ASTN1: variants seen among roughly 807,000 people sequenced by gnomAD.
ASTN1 encodes astrotactin-1.
A neutral mutation model predicts 140.7 loss-of-function variants in ASTN1; 41 were observed. The ratio of observed to expected loss-of-function variants is 0.29; its 90% CI spans 0.23 to 0.38. The LOEUF (loss-of-function observed/expected upper bound fraction) is 0.38, where lower values mean the gene tolerates loss of function less well. Ranked by LOEUF, ASTN1 falls within the 10% of genes least tolerant of loss-of-function variation. The pLI is 1.00. For synonymous variants in ASTN1, 640 were observed against 652.2 expected (o/e 0.98, Z 0.29); for missense variants, 1,479 against 1,678.8 (o/e 0.88, Z 2.08).
chr1:176,894,228 C>T (rs950940703), intron 17 of ASTN1, among the ~76,000 whole-genome samples: 7 of 152,030 alleles, frequency 4.6e-5, no homozygotes, highest in Admixed American at 4.6e-4. Context: ...AGCATCCTCC[C>T]CACAACTGTC....
intron 8 of ASTN1, among the ~76,000 whole-genome samples, chr1:176,977,591 T>C (rs938681790): frequency 2.0e-5 from 3 of 152,232 alleles, no homozygotes; most frequent in Non-Finnish European, 2.9e-5. Flanking sequence ...ATTTTGATGA[T>C]TGAACAAGTA....
intron 1 of ASTN1, among the ~76,000 whole-genome samples, chr1:177,066,023 G>A (rs948434261): frequency 2.0e-5 from 3 of 152,118 alleles, no homozygotes; most frequent in African/African-American, 4.8e-5. Flanking sequence ...GATCTGTGTC[G>A]ATGAACTTGA....
chr1:177,136,017 T>A (rs1354945832), intron 1 of ASTN1, among the ~76,000 whole-genome samples: 1 of 152,216 alleles, frequency 6.6e-6, no homozygotes, highest in Non-Finnish European at 1.5e-5. Flanking sequence ...AATGTCAAAC[T>A]AGATGACCTC....
chr1:177,162,049 G>T (rs949261805), intron 1 of ASTN1, among the ~76,000 whole-genome samples: 2 of 152,272 alleles, frequency 1.3e-5, no homozygotes, highest in East Asian at 1.9e-4. Flanking sequence ...GACTGATTCA[G>T]ATTCCTCCAG....
At position 176,863,570 on chromosome 1, in the gene ASTN1, T is replaced by C. The variant is rs749289760; in HGVS notation, c.*714A>G. On this transcript the variant is annotated 3_prime_UTR_variant, in exon 23 of 23. Transcript: ENST00000361833. ...ATCTTGTTCCCTCTCAAAGATCATGTTGTTCAGAGGAAGGGACAGAGATCT... is the reference window on the plus strand; with the variant it reads ...ATCTTGTTCCCTCTCAAAGATCATGCTGTTCAGAGGAAGGGACAGAGATCT... 1 of 985,426 alleles carries C rather than the reference T, an allele frequency of 1.0e-6. No individual in the cohort carries two copies. Among genetic ancestry groups the C allele is most frequent in the Non-Finnish European group, 1.2e-6 (1 of 829,938 alleles). 61.0% of individuals were successfully genotyped at this position (985,426 alleles called of 1,614,324 possible).
chr1:176,958,018 G>C (rs190297880), intron 10 of ASTN1, among the ~76,000 whole-genome samples, 190 bp from the exon 11 acceptor site: 16 of 152,320 alleles, frequency 1.1e-4, no homozygotes, highest in Non-Finnish European at 2.4e-4. Context: ...TAGGAAATGA[G>C]CCAAGGCTGT....
Position 176,862,315 on chromosome 1 carries a change from T to TG in ASTN1, c.*1968_*1969insC. 1.0e-6 allele frequency: 1 copy of TG among 985,432 alleles called. No homozygotes were observed. Among genetic ancestry groups the TG allele is most frequent in the Non-Finnish European group, 1.2e-6 (1 of 829,966 alleles). 61.0% of individuals were successfully genotyped at this position (985,432 alleles called of 1,614,324 possible). A position where few individuals can be genotyped will look rare whatever the true frequency, so the allele number is the denominator to read the frequency against. ...AGGAGAGTGAAACCACCCTGTGCTTTATCTCAGCCTCATCACAGGCTTCCT... is the reference window on the plus strand; with the variant it reads ...AGGAGAGTGAAACCACCCTGTGCTTTGATCTCAGCCTCATCACAGGCTTCCT... On this transcript the variant is annotated 3_prime_UTR_variant, in exon 23 of 23. Coordinates refer to ENST00000361833, the MANE Select transcript of ASTN1 (RefSeq NM_004319.3).
Position 176,861,483 on chromosome 1 carries a change from T to C in ASTN1, c.*2801A>G. On this transcript the variant is annotated 3_prime_UTR_variant, in exon 23 of 23. Coordinates refer to ENST00000361833, the MANE Select transcript of ASTN1 (RefSeq NM_004319.3). ...GAATACCGGTCCAGTACCATCACCC[T>C]TTCTAGCCAGGATGGGTTCCTTCAG... 1 of 985,868 alleles carries C rather than the reference T, an allele frequency of 1.0e-6. No individual in the cohort carries two copies. Among genetic ancestry groups the C allele is most frequent in the Non-Finnish European group, 1.2e-6 (1 of 829,958 alleles). The allele number at this position is 985,868 out of a possible 1,614,324, so 61.1% of individuals were successfully genotyped here. A position where few individuals can be genotyped will look rare whatever the true frequency, so the allele number is the denominator to read the frequency against.
At position 176,891,502 on chromosome 1, in the gene ASTN1, T is replaced by C. The variant is rs1669264757; in HGVS notation, c.2940+3060A>G. On this transcript the variant is annotated intron_variant, in intron 17 of 22. Transcript: ENST00000361833. ...AATAGGTGATGCATGCTATAAAAGATGTAGATACAAGCCGGGCACGGTGGC... is the reference window on the plus strand; with the variant it reads ...AATAGGTGATGCATGCTATAAAAGACGTAGATACAAGCCGGGCACGGTGGC... Among the ~76,000 whole-genome samples, 2 of 152,134 alleles carry C rather than the reference T, an allele frequency of 1.3e-5. 1 individual carries two copies. Among genetic ancestry groups the C allele is most frequent in the Admixed American group, 1.3e-4 (2 of 15,274 alleles).
intron 16 of ASTN1, among the ~76,000 whole-genome samples, chr1:176,918,440 T>TTCCCTCA: frequency 6.6e-6 from 1 of 152,120 alleles, no homozygotes; most frequent in Non-Finnish European, 1.5e-5. Context: ...TACATGAAGC[T>TTCCCTCA]CTTTACTGCT....
rs1046843256 is a variant in ASTN1 at position 176,894,464 on chromosome 1, C to T, written c.2940+98G>A. ...AAAAGCCTCACTATCCATATTCTAGCATGGCCCTCAACCACACCCTGTCAC... is the reference window on the plus strand; with the variant it reads ...AAAAGCCTCACTATCCATATTCTAGTATGGCCCTCAACCACACCCTGTCAC... On this transcript the variant is annotated intron_variant, in intron 17 of 22. Coordinates refer to ENST00000361833, the MANE Select transcript of ASTN1 (RefSeq NM_004319.3). 1.6e-4 allele frequency: 236 copies of T among 1,452,808 alleles called. No individual in the cohort carries two copies. The East Asian group carries it at 5.4e-3, about 33-fold the overall frequency. The allele number at this position is 1,452,808 out of a possible 1,614,324, so 90.0% of individuals were successfully genotyped here.
intron 16 of ASTN1, among the ~76,000 whole-genome samples, chr1:176,905,476 C>T (rs530383490): frequency 6.6e-6 from 1 of 152,360 alleles, no homozygotes; most frequent in South Asian, 2.1e-4. Context: ...CCTCTGGACA[C>T]TCATCTGGCT....
chr1:176,880,775 G>A (rs929229587), intron 20 of ASTN1, among the ~76,000 whole-genome samples: 3 of 152,170 alleles, frequency 2.0e-5, no homozygotes, highest in East Asian at 1.9e-4. Context: ...TAGAGCAGCA[G>A]GGAGTTAAGA....
At position 177,082,004 on chromosome 1, in the gene ASTN1, C is replaced by T. The variant is rs144498469; in HGVS notation, c.284-20739G>A. On this transcript the variant is annotated intron_variant, in intron 1 of 22. Transcript: ENST00000361833. ...CCAGAAGGCTAGGTCAAGGTTTATG[C>T]TAGAGAGGAAACACAGCCTGGAGGA... is the stretch of plus-strand genomic sequence containing the variant. Among the ~76,000 whole-genome samples the T allele has an allele frequency of 5.0e-3, 760 of 152,148 alleles. 5 individuals are homozygous for T. The highest frequency in any genetic ancestry group is 6.3e-3 in the Non-Finnish European group (430 of 68,006).
chr1:176,938,096 G>A (rs1671524520), intron 14 of ASTN1, among the ~76,000 whole-genome samples: 1 of 152,106 alleles, frequency 6.6e-6, no homozygotes, highest in Non-Finnish European at 1.5e-5. Flanking sequence ...ACTAAGAGAA[G>A]GTTTTTAGTA....
At chr1:176,944,498 C>T (rs948320660) in intron 13 of ASTN1, among the ~76,000 whole-genome samples, 1 of 152,264 alleles carries the variant, frequency 6.6e-6, no homozygotes, top group East Asian at 1.9e-4. Flanking sequence ...TGAGCTCAAG[C>T]GAACCACCCA....
chr1:176,884,192 G>A (rs775794871), intron 19 of ASTN1, 147 bp downstream of exon 19: 6 of 931,328 alleles, frequency 6.4e-6, no homozygotes, highest in South Asian at 2.3e-5. Flanking sequence ...TCCTGGAGAA[G>A]AAGAACAGCT....
At chr1:176,953,627 G>T (rs1481570910) in intron 11 of ASTN1, among the ~76,000 whole-genome samples, 2 of 152,198 alleles carry the variant, frequency 1.3e-5, no homozygotes, top group African/African-American at 4.8e-5. Context: ...GAGAGAGATG[G>T]TAATCTGTGA....
intron 1 of ASTN1, among the ~76,000 whole-genome samples, chr1:177,128,394 G>A (rs755650817): frequency 1.3e-5 from 2 of 152,272 alleles, no homozygotes; most frequent in East Asian, 1.9e-4. Flanking sequence ...AATTCTAAAA[G>A]TCAAAACATT....
Sources: gnomAD v4.1 joint callset for allele counts (sites outside exome capture counted in the v4.1 genomes callset) on GRCh38, gnomAD v4.1.1 for gene constraint, MANE v1.5 for transcripts, NCBI Gene and HGNC (gene_info 2026-07-23, HGNC 2026-07-21) for gene names.